Variants in TAFA1 observed in about 807,000 individuals in gnomAD.
TAFA1 encodes TAFA chemokine like family member 1.
In TAFA1, 4 loss-of-function variants were observed where a neutral mutation model predicts 18.5. That is an observed-to-expected ratio of 0.22 (90% CI 0.11 to 0.49). TAFA1 has a LOEUF of 0.49. Among genes scored for constraint, TAFA1 ranks in the 20% least tolerant of loss-of-function variants. TAFA1 has a pLI of 0.98. For synonymous variants in TAFA1, 56 were observed against 55.2 expected (o/e 1.01, Z -0.06); for missense variants, 147 against 169.0 (o/e 0.87, Z 0.72).
At chr3:68,369,017 A>G (rs796231499) in intron 2 of TAFA1, among the ~76,000 whole-genome samples, 9 of 152,330 alleles carry the variant, frequency 5.9e-5, no homozygotes, top group African/African-American at 1.9e-4. Flanking sequence ...GTAAATCACT[A>G]TTTTATTGCT....
chr3:68,270,186 C>T (rs188810394), intron 2 of TAFA1, among the ~76,000 whole-genome samples: 92 of 152,202 alleles, frequency 6.0e-4, no homozygotes, highest in African/African-American at 2.1e-3. Context: ...TAACTGATTG[C>T]GCCACTGGAG....
At chr3:68,383,291 T>C (rs1405890572) in intron 2 of TAFA1, among the ~76,000 whole-genome samples, 2 of 152,172 alleles carry the variant, frequency 1.3e-5, no homozygotes, top group Admixed American at 1.3e-4. Flanking sequence ...TTCCAGCTTT[T>C]GCCAATTCAG....
At chr3:68,522,815 CT>C (rs1475921613) in intron 3 of TAFA1, among the ~76,000 whole-genome samples, 2 of 152,102 alleles carry the variant, frequency 1.3e-5, no homozygotes, top group Non-Finnish European at 2.9e-5. Flanking sequence ...TACCACTGTA[CT>C]CCAGCCTGGG....
intron 2 of TAFA1, among the ~76,000 whole-genome samples, chr3:68,291,482 C>A (rs1169110563): frequency 1.3e-5 from 2 of 152,026 alleles, no homozygotes; most frequent in African/African-American, 4.8e-5. Context: ...TCTAGACTTA[C>A]CCAAGACCAA....
In TAFA1 at chr3:68,219,869, C is replaced by A. The variant is rs1376933666; in HGVS notation, c.119-197411C>A. ...AATTCTGCCTGTCCTGGATGGGTAC[C>A]AAGTTTGTCTCAGCACTGGTTATAT... On this transcript the variant is annotated intron_variant, in intron 2 of 4. Coordinates refer to ENST00000478136, the MANE Select transcript of TAFA1 (RefSeq NM_213609.4). Among the ~76,000 whole-genome samples the A allele has an allele frequency of 3.9e-5, 6 of 152,030 alleles. 1 individual carries two copies. The South Asian group carries it at 8.3e-4, about 21-fold the overall frequency.
chr3:68,334,063 T>C (rs2106736949), intron 2 of TAFA1, among the ~76,000 whole-genome samples: 1 of 152,268 alleles, frequency 6.6e-6, no homozygotes, highest in African/African-American at 2.4e-5. Flanking sequence ...ATGAAAAAGT[T>C]CAGGAGGCCC....
At chr3:68,332,151 C>T (rs947892242) in intron 2 of TAFA1, among the ~76,000 whole-genome samples, 11 of 151,602 alleles carry the variant, frequency 7.3e-5, no homozygotes, top group African/African-American at 2.4e-4. Flanking sequence ...GTGTGAGCCA[C>T]CGCGCCCGGC....
chr3:68,258,947 T>C (rs1406791641), intron 2 of TAFA1, among the ~76,000 whole-genome samples: 2 of 152,214 alleles, frequency 1.3e-5, no homozygotes, highest in Admixed American at 1.3e-4. Context: ...TGGATTCTGA[T>C]CAAGAGTGCC....
chr3:68,116,392 A>G (rs1168603666), intron 2 of TAFA1, among the ~76,000 whole-genome samples: 1 of 152,230 alleles, frequency 6.6e-6, no homozygotes, highest in South Asian at 2.1e-4. Context: ...AAGTATCTCA[A>G]TCAGCCACGC....
Position 68,112,755 on chromosome 3 carries a change from C to G in TAFA1, c.118+106011C>G, listed in dbSNP as rs147875302. The stretch of plus-strand genomic sequence containing the variant: ...TTGCTGAATAGGTAAATATAAAAAT[C>G]AATTAAATTCCTCTATGCCAAAAAT... On this transcript the variant is annotated intron_variant, in intron 2 of 4. Coordinates refer to ENST00000478136, the MANE Select transcript of TAFA1 (RefSeq NM_213609.4). 8.0e-3 allele frequency among the ~76,000 whole-genome samples: 1,210 copies of G among 151,970 alleles called. 10 individuals carry two copies. Among genetic ancestry groups the G allele is most frequent in the Non-Finnish European group, 0.013 (850 of 67,946 alleles).
chr3:68,330,905 A>C (rs2313283), intron 2 of TAFA1, among the ~76,000 whole-genome samples: 58,288 of 151,964 alleles, frequency 0.38, 11,610 homozygotes, highest in East Asian at 0.62. Flanking sequence ...GGAATTTCAT[A>C]TGTGTTTTTT....
intron 2 of TAFA1, among the ~76,000 whole-genome samples, chr3:68,063,590 T>C (rs2106731202): frequency 6.6e-6 from 1 of 152,258 alleles, no homozygotes; most frequent in East Asian, 1.9e-4. Context: ...CCAATAGAAA[T>C]CTCAGGTATT....
intron 2 of TAFA1, among the ~76,000 whole-genome samples, chr3:68,271,413 G>A (rs1258597902): frequency 1.3e-5 from 2 of 152,006 alleles, no homozygotes; most frequent in Non-Finnish European, 2.9e-5. Flanking sequence ...GCCAGGCCTG[G>A]GCCACATCAG....
intron 2 of TAFA1, among the ~76,000 whole-genome samples, chr3:68,173,334 T>A (rs1446177404): frequency 6.8e-6 from 1 of 147,208 alleles, no homozygotes; most frequent in Non-Finnish European, 1.5e-5. Context: ...AATAAATATA[T>A]ATTCTGTCAT....
At chr3:68,439,430 T>C (rs1054118716) in intron 3 of TAFA1, among the ~76,000 whole-genome samples, 1 of 134,848 alleles carries the variant, frequency 7.4e-6, no homozygotes, top group African/African-American at 2.8e-5. Flanking sequence ...TATATATATA[T>C]ATATATATAT....
intron 3 of TAFA1, among the ~76,000 whole-genome samples, chr3:68,425,526 C>T (rs1047690171): frequency 2.6e-5 from 4 of 151,858 alleles, no homozygotes; most frequent in Non-Finnish European, 4.4e-5. Context: ...GCAAATCCTC[C>T]TTGAAACAGC....
intron 2 of TAFA1, among the ~76,000 whole-genome samples, chr3:68,348,651 G>A (rs1443249570): frequency 2.0e-5 from 3 of 152,066 alleles, no homozygotes; most frequent in Admixed American, 1.3e-4. Context: ...CTCCTGAAAC[G>A]CCAATAAATT....
intron 3 of TAFA1, among the ~76,000 whole-genome samples, chr3:68,431,496 A>G (rs1258797049): frequency 1.3e-5 from 2 of 151,958 alleles, no homozygotes; most frequent in African/African-American, 4.8e-5. Flanking sequence ...TATTATCCCC[A>G]TTTTAATGAT....
intron 2 of TAFA1, among the ~76,000 whole-genome samples, chr3:68,069,867 C>T (rs1046045242): frequency 2.6e-5 from 4 of 152,204 alleles, no homozygotes; most frequent in African/African-American, 9.7e-5. Context: ...CCATGTCTCA[C>T]ATCGAGGTCA....
Sources: allele counts gnomAD v4.1 joint callset (sites outside exome capture counted in the v4.1 genomes callset), GRCh38; gene constraint gnomAD v4.1.1; transcripts MANE v1.5; gene names NCBI Gene and HGNC (gene_info 2026-07-23, HGNC 2026-07-21).